Variants in ATL1 observed in about 807,000 individuals in gnomAD.
ATL1 encodes the protein atlastin-1.
A neutral mutation model predicts 75.5 loss-of-function variants in ATL1; 31 were observed. The ratio of observed to expected loss-of-function variants is 0.41; its 90% CI spans 0.31 to 0.55. ATL1 has a LOEUF of 0.55. ATL1 is among the 20% of genes least tolerant of loss of function. The pLI is 0.27. For synonymous variants in ATL1, 226 were observed against 233.3 expected (o/e 0.97, Z 0.28); for missense variants, 405 against 662.6 (o/e 0.61, Z 4.27).
At position 50,632,266 on chromosome 14, in the gene ATL1, G is replaced by GT; in HGVS notation, c.1604_1605insT (p.Arg535SerfsTer17). Reference sequence around the variant, plus strand: ...CTTTACAGTGCAGCAGCAACCCACAGACATCTGTATCATCAAGCTTTCCCT... The same window carrying GT: ...CTTTACAGTGCAGCAGCAACCCACAGTACATCTGTATCATCAAGCTTTCCCT... On this transcript the variant is annotated frameshift_variant, in exon 14 of 14. Coordinates refer to ENST00000358385, the MANE Select transcript of ATL1 (RefSeq NM_015915.5). LOFTEE classifies it high-confidence loss of function. 6.2e-7 allele frequency: 1 copy of GT among 1,611,910 alleles called. No individual in the cohort carries two copies. Among genetic ancestry groups the GT allele is most frequent in the East Asian group, 2.2e-5 (1 of 44,656 alleles).
At chr14:50,595,013 C>G (rs145184523) in intron 5 of ATL1, among the ~76,000 whole-genome samples, 6 of 126,812 alleles carry the variant, frequency 4.7e-5, no homozygotes, top group Non-Finnish European at 1.0e-4. Context: ...AAAAAAAAAA[C>G]AAAAAAGAAA....
upstream of ATL1, among the ~76,000 whole-genome samples, chr14:50,555,920 A>C (rs1354206512): frequency 1.3e-5 from 2 of 152,208 alleles, no homozygotes; most frequent in African/African-American, 4.8e-5. Flanking sequence ...TCAACTATTG[A>C]GAAACTTCTG....
At chr14:50,576,579 G>GA (rs1012140495) in intron 1 of ATL1, among the ~76,000 whole-genome samples, 2 of 151,682 alleles carry the variant, frequency 1.3e-5, no homozygotes, top group Admixed American at 1.3e-4. Context: ...ATTTCTGAAT[G>GA]AAAAAAAAAT....
intron 1 of ATL1, among the ~76,000 whole-genome samples, chr14:50,560,841 G>C (rs978427133): frequency 6.6e-6 from 1 of 152,228 alleles, no homozygotes; most frequent in African/African-American, 2.4e-5. Flanking sequence ...CCGGACGGAC[G>C]GTAGCAGACC....
At chr14:50,550,740 A>G (rs531951921) in intron 1 of ATL1, among the ~76,000 whole-genome samples, 1 of 152,248 alleles carries the variant, frequency 6.6e-6, no homozygotes, top group Non-Finnish European at 1.5e-5. Context: ...AATAGCTCCA[A>G]AAGGAATCCT....
At chr14:50,588,934 A>G (rs2039127751) in intron 2 of ATL1, among the ~76,000 whole-genome samples, 2 of 152,140 alleles carry the variant, frequency 1.3e-5, no homozygotes, top group South Asian at 4.1e-4. Context: ...CTTATTGGAA[A>G]AATTTCAATT....
chr14:50,537,176 A>G (rs938147847), intron 1 of ATL1, among the ~76,000 whole-genome samples: 1 of 152,154 alleles, frequency 6.6e-6, no homozygotes, highest in Admixed American at 6.5e-5. Flanking sequence ...CCTGCTTTCC[A>G]GCTGCTCCAG....
At chr14:50,574,971 A>ATATATATATATCTATC (rs1234160143) in intron 1 of ATL1, among the ~76,000 whole-genome samples, 1 of 129,614 alleles carries the variant, frequency 7.7e-6, no homozygotes, top group African/African-American at 3.0e-5. Flanking sequence ...ATATATATAT[A>ATATATATATATCTATC]TATATTAGCT....
chr14:50,595,927 G>C (rs528958669), intron 6 of ATL1, among the ~76,000 whole-genome samples: 78 of 151,824 alleles, frequency 5.1e-4, no homozygotes, highest in African/African-American at 1.7e-3. Flanking sequence ...CAAAGTGCTG[G>C]GATTACAGGT....
chr14:50,592,946 A>ATATG (rs71441294), intron 4 of ATL1, among the ~76,000 whole-genome samples: 2,592 of 131,886 alleles, frequency 0.02, 56 homozygotes, highest in African/African-American at 0.06. Flanking sequence ...ATATATATAT[A>ATATG]TGTGTGTGTG....
chr14:50,613,630 T>C (rs940018298), intron 7 of ATL1, among the ~76,000 whole-genome samples: 1 of 152,210 alleles, frequency 6.6e-6, no homozygotes, highest in African/African-American at 2.4e-5. Context: ...GTAACAAATA[T>C]CTAATTTTGA....
chr14:50,554,996 T>G (rs1430112387), intron 1 of ATL1, among the ~76,000 whole-genome samples: 2 of 152,226 alleles, frequency 1.3e-5, no homozygotes, highest in Non-Finnish European at 2.9e-5. Context: ...TCGTTTAGTA[T>G]TAGACCCCAA....
In ATL1 at chr14:50,552,334, G is replaced by A. The variant is rs114033559; in HGVS notation, c.-139-7793G>A. Among the ~76,000 whole-genome samples the A allele has an allele frequency of 3.5e-3, 531 of 152,122 alleles. 3 individuals carry two copies. Among genetic ancestry groups the A allele is most frequent in the African/African-American group, 0.012 (498 of 41,502 alleles). On this transcript the variant is annotated intron_variant, in intron 1 of 13. Coordinates refer to the ATL1 transcript ENST00000441560. Reference sequence around the variant, plus strand: ...CCAAGGAGGTGAGAGTTCTCTACAAGGAAAATTACAAAACACTGAAAGAAA... The same window carrying A: ...CCAAGGAGGTGAGAGTTCTCTACAAAGAAAATTACAAAACACTGAAAGAAA...
chr14:50,615,627 T>C (rs985840014), intron 8 of ATL1, among the ~76,000 whole-genome samples: 1 of 152,218 alleles, frequency 6.6e-6, no homozygotes, highest in Admixed American at 6.5e-5. Context: ...ATATGGTACA[T>C]ATGGATGACA....
chr14:50,621,204 G>A (rs935203834), intron 9 of ATL1, among the ~76,000 whole-genome samples: 1 of 152,130 alleles, frequency 6.6e-6, no homozygotes, highest in Non-Finnish European at 1.5e-5. Flanking sequence ...TCCTTAGATA[G>A]CACTGAATAC....
intron 1 of ATL1, among the ~76,000 whole-genome samples, chr14:50,569,522 GT>G (rs761466832): frequency 5.1e-4 from 77 of 151,964 alleles, no homozygotes; most frequent in African/African-American, 1.7e-3. Flanking sequence ...TGGACTTACA[GT>G]TTTTTTTAAA....
chr14:50,571,617 CG>C (rs1444704263), intron 1 of ATL1, among the ~76,000 whole-genome samples: 54 of 152,128 alleles, frequency 3.5e-4, no homozygotes, highest in African/African-American at 1.3e-3. Context: ...TTTGTTAATA[CG>C]TTTAATTAGA....
chr14:50,552,362 A>G (rs916663795), intron 1 of ATL1, among the ~76,000 whole-genome samples: 23 of 152,246 alleles, frequency 1.5e-4, no homozygotes, highest in African/African-American at 1.7e-4. Flanking sequence ...GAAAGAAATC[A>G]TAGATGACAC....
At chr14:50,602,831 T>G (rs1025889113) in intron 6 of ATL1, among the ~76,000 whole-genome samples, 2 of 152,086 alleles carry the variant, frequency 1.3e-5, no homozygotes, top group African/African-American at 4.8e-5. Flanking sequence ...CCTTGATGAT[T>G]GATGCAGAAG....
Sources: gnomAD v4.1 joint callset for allele counts (sites outside exome capture counted in the v4.1 genomes callset) on GRCh38, gnomAD v4.1.1 for gene constraint, MANE v1.5 for transcripts, NCBI Gene and HGNC (gene_info 2026-07-23, HGNC 2026-07-21) for gene names.